The following SMU1 variants were observed in gnomAD, a reference collection of about 807,000 sequenced individuals.
SMU1 encodes the protein WD40 repeat-containing protein SMU1.
SMU1 carries 2 observed loss-of-function variants against 62.0 expected under a neutral mutation model. The ratio of observed to expected loss-of-function variants is 0.03; its 90% confidence interval spans 0.01 to 0.10. The LOEUF (loss-of-function observed/expected upper bound fraction) is 0.10. SMU1 is among the 10% of genes least tolerant of loss of function. SMU1 has a pLI of 1.00. For synonymous variants in SMU1, 188 were observed against 212.4 expected (o/e 0.89, Z 1.00); for missense variants, 227 against 622.1 (o/e 0.36, Z 6.76).
rs746846778 is a variant in SMU1, at chr9:33,060,546, A to G, written c.669T>C (p.Ser223=). 6.2e-7 allele frequency: 1 copy of G among 1,611,772 alleles called. No individual in the cohort carries two copies. Among genetic ancestry groups the G allele is most frequent in the Non-Finnish European group, 8.5e-7 (1 of 1,179,550 alleles). The stretch of plus-strand genomic sequence containing the variant: ...CAGTGACCAAATACTGACCATCTGG[A>G]GAAAATCGAGCACACTCCACATGTG... ...QKSHVECARF[S]PDGQYLVTGS... is the part of the protein sequence containing the mutation. Residue 223 remains serine, a synonymous_variant, in exon 6 of 12, where the codon TCT becomes TCC. Coordinates refer to ENST00000397149, the MANE Select transcript of SMU1 (RefSeq NM_018225.3).
At chr9:33,068,560 G>A (rs1321608158) in intron 4 of SMU1, among the ~76,000 whole-genome samples, 2 of 152,082 alleles carry the variant, frequency 1.3e-5, no homozygotes, top group Admixed American at 1.3e-4. Flanking sequence ...CCAAGCTGGA[G>A]TATAATGGCA....
intron 1 of SMU1, among the ~76,000 whole-genome samples, chr9:33,074,426 C>A (rs1370745619): frequency 6.6e-6 from 1 of 151,140 alleles, no homozygotes; most frequent in Non-Finnish European, 1.5e-5. Flanking sequence ...TAAGAAGACC[C>A]CTTCTCTACA....
In SMU1 at chr9:33,057,626, G is replaced by A. The variant is rs1291006854; in HGVS notation, c.839C>T (p.Ala280Val). 6.2e-7 allele frequency: 1 copy of A among 1,613,926 alleles called. No homozygotes were observed. Among genetic ancestry groups the A allele is most frequent in the South Asian group, 1.1e-5 (1 of 91,086 alleles). Residue 280 changes from alanine to valine, a missense_variant, in exon 7 of 12, where the codon GCA (alanine) becomes GTA (valine). Physicochemically the swap from Ala to Val is moderately conservative, Grantham distance 64. Around this residue, in one of 5 missense-constraint regions of SMU1, gnomAD observed 98 missense variants for 195.9 expected, o/e 0.50. Coordinates refer to ENST00000397149, the MANE Select transcript of SMU1 (RefSeq NM_018225.3). ...GATTTTTCCATCTTGGGCCCCAGTT[G>A]CTAACATTTCTGTATCTCTGCTGAA... Reference protein sequence around the residue: ...MCFSRDTEMLATGAQDGKIKV... With the variant: ...MCFSRDTEMLVTGAQDGKIKV...
intron 3 of SMU1, among the ~76,000 whole-genome samples, chr9:33,071,212 G>C (rs1377698305): frequency 6.6e-6 from 1 of 151,806 alleles, no homozygotes; most frequent in Non-Finnish European, 1.5e-5. Context: ...GGCTGGGGGG[G>C]TGGGCAGGAA....
At chr9:33,050,981 C>T (rs1345720117) in intron 10 of SMU1, among the ~76,000 whole-genome samples, 3 of 98,088 alleles carry the variant, frequency 3.1e-5, no homozygotes, top group African/African-American at 7.4e-5. Context: ...ATTAGCCGGG[C>T]GTGGTGGCGG....
chr9:33,058,983 G>A (rs965664626), intron 6 of SMU1, among the ~76,000 whole-genome samples: 2 of 152,080 alleles, frequency 1.3e-5, no homozygotes, highest in African/African-American at 4.8e-5. Context: ...ACTTCATAGT[G>A]TAAGAAATAT....
At chr9:33,054,416 A>C (rs752928375) in intron 9 of SMU1, among the ~76,000 whole-genome samples, 2 of 152,170 alleles carry the variant, frequency 1.3e-5, no homozygotes, top group Non-Finnish European at 2.9e-5. Flanking sequence ...AAATGATTCC[A>C]ATGTACAGTT....
chr9:33,069,857 G>A lies in SMU1; in HGVS notation c.391-923C>T, dbSNP rs551795794. Among the ~76,000 whole-genome samples the A allele has an allele frequency of 4.3e-4, 66 of 152,234 alleles. No individual in the cohort carries two copies. The South Asian group carries it at 0.013, about 31-fold the overall frequency. On this transcript the variant is annotated intron_variant, in intron 3 of 11. Coordinates refer to ENST00000397149, the MANE Select transcript of SMU1 (RefSeq NM_018225.3). ...ACCAGAATACAGGGCCAAGTGTGGTGGCTCATGCCTGTCATCCTAGCACTT... is the reference window on the plus strand; with the variant it reads ...ACCAGAATACAGGGCCAAGTGTGGTAGCTCATGCCTGTCATCCTAGCACTT...
Position 33,068,924 on chromosome 9 carries a change from T to A in SMU1, c.401A>T (p.Asp134Val), listed in dbSNP as rs1417763292. The change falls in exon 4 of 12, where the codon GAT becomes GTT. Residue 134 changes from aspartate to valine, a missense_variant. Physicochemically the swap from Asp to Val is radical, Grantham distance 152. Coordinates refer to ENST00000397149, the MANE Select transcript of SMU1 (RefSeq NM_018225.3). ...SYFDPREAYP[D>V]GSSKEKRRAA... ...TCTTCTCTTTTCTTTGCTACTTCCA[T>A]CTGGGTATGCCTGAAAAAGGAGAGG... 4 of 1,613,934 alleles carry A rather than the reference T, an allele frequency of 2.5e-6. No homozygotes were observed. Among genetic ancestry groups the A allele is most frequent in the Non-Finnish European group, 3.4e-6 (4 of 1,180,016 alleles).
intron 9 of SMU1, among the ~76,000 whole-genome samples, chr9:33,054,306 T>A (rs534349515): frequency 6.6e-6 from 1 of 152,150 alleles, no homozygotes; most frequent in South Asian, 2.1e-4. Flanking sequence ...CAGGTGCCAA[T>A]AAGCCTGGCT....
intron 10 of SMU1, among the ~76,000 whole-genome samples, chr9:33,051,647 A>T (rs539866093): frequency 2.6e-5 from 4 of 152,300 alleles, no homozygotes; most frequent in African/African-American, 9.6e-5. Flanking sequence ...TCTATTTTTT[A>T]AAAAACAACA....
chr9:33,043,596 A>G lies in SMU1; in HGVS notation c.*3697T>C, dbSNP rs995966178. On this transcript the variant is annotated 3_prime_UTR_variant, in exon 12 of 12. Coordinates refer to ENST00000397149, the MANE Select transcript of SMU1 (RefSeq NM_018225.3). Reference sequence around the variant, plus strand: ...TAATTCAGTTCTCTCTACTCATCTCACTACCTGTGCTCTGCTTAGGTGAAT... The same window carrying G: ...TAATTCAGTTCTCTCTACTCATCTCGCTACCTGTGCTCTGCTTAGGTGAAT... The G allele has an allele frequency of 6.6e-6, 1 of 152,216 alleles. No individual in the cohort carries two copies. The highest frequency in any genetic ancestry group is 6.5e-5 in the Admixed American group (1 of 15,272). The allele number at this position is 152,216 out of a possible 1,614,324, so 9.4% of individuals were successfully genotyped here.
Position 33,068,869 on chromosome 9 carries a change from T to A in SMU1, c.456A>T (p.Glu152Asp), listed in dbSNP as rs1205240197. The A allele has an allele frequency of 6.2e-7, 1 of 1,614,132 alleles. No individual in the cohort carries two copies. ...RAAIAQALAG[E>D]VSVVPPSRLM... ...GACGAGATGGAGGCACCACACTGAC[T>A]TCGCCAGCTAAGGCCTGGGCAATTG... The change falls in exon 4 of 12, where the codon GAA becomes GAT. Residue 152 changes from glutamate to aspartate, a missense_variant. Coordinates refer to ENST00000397149, the MANE Select transcript of SMU1 (RefSeq NM_018225.3).
At chr9:33,047,661 C>G (rs1350878183) in intron 11 of SMU1, among the ~76,000 whole-genome samples, 1 of 152,042 alleles carries the variant, frequency 6.6e-6, no homozygotes. Context: ...AGTTCAAGAC[C>G]AGCCTGGCCA....
chr9:33,043,609 T>C lies in SMU1; in HGVS notation c.*3684A>G, dbSNP rs1002378261. 1 of 152,248 alleles carries C rather than the reference T, an allele frequency of 6.6e-6. No homozygotes were observed. Among genetic ancestry groups the C allele is most frequent in the Non-Finnish European group, 1.5e-5 (1 of 68,052 alleles). The allele number at this position is 152,248 out of a possible 1,614,324, so 9.4% of individuals were successfully genotyped here. On this transcript the variant is annotated 3_prime_UTR_variant, in exon 12 of 12. Coordinates refer to ENST00000397149, the MANE Select transcript of SMU1 (RefSeq NM_018225.3). ...TCTACTCATCTCACTACCTGTGCTC[T>C]GCTTAGGTGAATGTGTTTGCAGCAT...
intron 4 of SMU1, 158 bp from the exon 5 acceptor site, chr9:33,062,335 G>A (rs1839372039): frequency 4.4e-6 from 2 of 457,426 alleles, no homozygotes; most frequent in South Asian, 1.8e-4. Context: ...AGTAATCTGT[G>A]CTCCCCTGTG....
chr9:33,070,008 C>T (rs571934832), intron 3 of SMU1, among the ~76,000 whole-genome samples: 5 of 151,980 alleles, frequency 3.3e-5, no homozygotes, highest in Admixed American at 2.0e-4. Flanking sequence ...CACCAGTAAT[C>T]CCAGCTACTT....
At position 33,050,893 on chromosome 9, in the gene SMU1, G is replaced by A. The variant is rs1472391404; in HGVS notation, c.1290+2230C>T. On this transcript the variant is annotated intron_variant, in intron 10 of 11. Transcript: ENST00000397149. ...TCCCAGCACTTTGGGAGGCCGAGGC[G>A]GGCGGATCACGAGGTCAGGAGATCG... 8.8e-5 allele frequency among the ~76,000 whole-genome samples: 7 copies of A among 79,986 alleles called. 2 individuals carry two copies. Among genetic ancestry groups the A allele is most frequent in the East Asian group, 8.0e-4 (3 of 3,738 alleles). 52.5% of individuals were successfully genotyped at this position (79,986 alleles called of 152,430 possible). A position where few individuals can be genotyped will look rare whatever the true frequency, so the allele number is the denominator to read the frequency against.
At chr9:33,055,173 T>TAC (rs1839291032) in intron 9 of SMU1, among the ~76,000 whole-genome samples, 1 of 151,908 alleles carries the variant, frequency 6.6e-6, no homozygotes, top group South Asian at 2.1e-4. Flanking sequence ...TATATATATA[T>TAC]ACATACATTT....
Sources: allele counts gnomAD v4.1 joint callset (sites outside exome capture counted in the v4.1 genomes callset), GRCh38; gene constraint gnomAD v4.1.1; regional missense constraint gnomAD v4.1.1; transcripts MANE v1.5; gene names NCBI Gene and HGNC (gene_info 2026-07-23, HGNC 2026-07-21).